The following IPCEF1 variants were observed in gnomAD, a reference collection of about 807,000 sequenced individuals.
IPCEF1 encodes interaction protein for cytohesin exchange factors 1.
Under a neutral mutation model 50.9 loss-of-function variants are expected in IPCEF1, and 31 were observed. The ratio of observed to expected loss-of-function variants is 0.61; its 90% CI spans 0.46 to 0.82. The LOEUF (loss-of-function observed/expected upper bound fraction) is 0.82, where lower values mean the gene tolerates loss of function less well. IPCEF1 is among the 40% of genes least tolerant of loss of function. The probability of loss-of-function intolerance (pLI) is 0.00; values close to 1 mark genes in which losing one functional copy is unlikely to be tolerated. For synonymous variants in IPCEF1, 181 were observed against 192.0 expected (o/e 0.94, Z 0.47); for missense variants, 458 against 514.0 (o/e 0.89, Z 1.05).
In IPCEF1 at chr6:154,279,934, A is replaced by AAATGTT. The variant is rs564585473; in HGVS notation, c.-18+9773_-18+9778dup. On this transcript the variant is annotated intron_variant, in intron 2 of 11. Coordinates refer to ENST00000367220, the MANE Select transcript of IPCEF1 (RefSeq NM_001130700.2). ...GAGACACCAATCATTAACAATCAGG[A>AAATGTT]AATGTTAATGTTAATGTTAATGTTA... Among the ~76,000 whole-genome samples the AAATGTT allele has an allele frequency of 2.1e-3, 322 of 152,280 alleles. 2 individuals are homozygous for AAATGTT. Among genetic ancestry groups the AAATGTT allele is most frequent in the African/African-American group, 7.2e-3 (299 of 41,560 alleles).
chr6:154,342,395 G>A (rs1783935731), intron 1 of IPCEF1, among the ~76,000 whole-genome samples: 3 of 152,096 alleles, frequency 2.0e-5, no homozygotes, highest in Admixed American at 1.3e-4. Context: ...ATTGACTAAA[G>A]TCTCACAAGA....
chr6:154,199,247 G>A (rs1269522454), intron 10 of IPCEF1, among the ~76,000 whole-genome samples: 2 of 152,218 alleles, frequency 1.3e-5, no homozygotes, highest in Admixed American at 1.3e-4. Flanking sequence ...ACTGTCTGGG[G>A]CACAGCCCAG....
At position 154,158,915 on chromosome 6, in the gene IPCEF1, T is replaced by C. The variant is rs1214904684; in HGVS notation, c.*913A>G. On this transcript the variant is annotated 3_prime_UTR_variant, in exon 12 of 12. Transcript: ENST00000367220. ...TTGCTTCCATGGGTTTTTGTTTTTTTGTTTTTTTGAGTAAAGATATTAAAA... is the reference window on the plus strand; with the variant it reads ...TTGCTTCCATGGGTTTTTGTTTTTTCGTTTTTTTGAGTAAAGATATTAAAA... 14 of 152,234 alleles carry C rather than the reference T, an allele frequency of 9.2e-5. No individual in the cohort carries two copies. The highest frequency in any genetic ancestry group is 8.5e-4 in the Admixed American group (13 of 15,282). The allele number at this position is 152,234 out of a possible 1,614,324, so 9.4% of individuals were successfully genotyped here.
intron 5 of IPCEF1, among the ~76,000 whole-genome samples, chr6:154,226,332 C>T (rs1039053004): frequency 2.6e-5 from 4 of 152,184 alleles, no homozygotes; most frequent in African/African-American, 9.7e-5. Flanking sequence ...AGCCTATTCC[C>T]ATGGGCCCCG....
chr6:154,264,090 C>G (rs1583921283), intron 3 of IPCEF1, among the ~76,000 whole-genome samples: 1 of 151,342 alleles, frequency 6.6e-6, no homozygotes, highest in African/African-American at 2.4e-5. Flanking sequence ...CATTGATTCT[C>G]TTATTTGTTC....
intron 3 of IPCEF1, among the ~76,000 whole-genome samples, chr6:154,257,340 C>T (rs1432141773): frequency 6.6e-6 from 1 of 152,180 alleles, no homozygotes; most frequent in African/African-American, 2.4e-5. Flanking sequence ...TTTTACACCC[C>T]TATCCCTTAA....
At chr6:154,204,783 T>C (rs986243951) in intron 9 of IPCEF1, among the ~76,000 whole-genome samples, 1 of 152,034 alleles carries the variant, frequency 6.6e-6, no homozygotes, top group African/African-American at 2.4e-5. Context: ...ACACAAAAAG[T>C]CCACAATATT....
chr6:154,265,350 G>A lies in IPCEF1; in HGVS notation c.36+562C>T, dbSNP rs897318812. The stretch of plus-strand genomic sequence containing the variant: ...GGCTGGAGTGCAGTGGCGCGATCTC[G>A]GCTCACTGCAACCTCCACTTCCCAG... On this transcript the variant is annotated intron_variant, in intron 3 of 11. Transcript: ENST00000367220. 5.3e-5 allele frequency among the ~76,000 whole-genome samples: 8 copies of A among 151,190 alleles called. No individual in the cohort carries two copies. In the East Asian group the frequency reaches 9.7e-4, roughly 18 times the overall value.
At chr6:154,194,128 G>C (rs576069347) in intron 10 of IPCEF1, among the ~76,000 whole-genome samples, 3 of 152,176 alleles carry the variant, frequency 2.0e-5, no homozygotes, top group African/African-American at 7.2e-5. Context: ...CTAAAATCAC[G>C]GTGGCTCATG....
At chr6:154,179,512 T>C (rs1800655060) in intron 10 of IPCEF1, among the ~76,000 whole-genome samples, 1 of 152,156 alleles carries the variant, frequency 6.6e-6, no homozygotes, top group South Asian at 2.1e-4. Context: ...CCCCCTTATC[T>C]TCTGAAGCAA....
rs1240640368 is a variant in IPCEF1 at position 154,154,909 on chromosome 6, C to T, written c.*4919G>A. 6.6e-6 allele frequency: 1 copy of T among 152,544 alleles called. No individual in the cohort carries two copies. The highest frequency in any genetic ancestry group is 1.9e-4 in the East Asian group (1 of 5,180). The allele number at this position is 152,544 out of a possible 1,614,324, so 9.4% of individuals were successfully genotyped here. A position where few individuals can be genotyped will look rare whatever the true frequency, so the allele number is the denominator to read the frequency against. On this transcript the variant is annotated 3_prime_UTR_variant, in exon 12 of 12. Transcript: ENST00000367220. ...ACCATGCAGTGCTAAAAGTCACATTCCCATCATGCAAGCACATTAAAATAT... is the reference window on the plus strand; with the variant it reads ...ACCATGCAGTGCTAAAAGTCACATTTCCATCATGCAAGCACATTAAAATAT...
At chr6:154,267,019 C>T (rs1453277679) in intron 2 of IPCEF1, among the ~76,000 whole-genome samples, 3 of 151,820 alleles carry the variant, frequency 2.0e-5, no homozygotes, top group Non-Finnish European at 4.4e-5. Context: ...ATGGAAACTC[C>T]TTTTTCATAT....
rs1231133534 is a variant in IPCEF1 at position 154,355,357 on chromosome 6, AG to A, written c.-62+1314del. Among the ~76,000 whole-genome samples the A allele has an allele frequency of 6.6e-5, 10 of 152,362 alleles. No homozygotes were observed. The East Asian group carries it at 1.7e-3, about 26-fold the overall frequency. On this transcript the variant is annotated intron_variant, in intron 1 of 11. Coordinates refer to ENST00000367220, the MANE Select transcript of IPCEF1 (RefSeq NM_001130700.2). ...CTTGATTTATAAAAAGAGGAATGGA[AG>A]GAAATTATAAGGTAAATTAAAGAAT... is the stretch of plus-strand genomic sequence containing the variant.
intron 10 of IPCEF1, among the ~76,000 whole-genome samples, chr6:154,186,408 C>T (rs1801347610): frequency 1.3e-5 from 2 of 152,236 alleles, no homozygotes; most frequent in African/African-American, 4.8e-5. Context: ...CAGCATCTGA[C>T]TGCTTTCCAT....
At chr6:154,270,657 A>T (rs548139813) in intron 2 of IPCEF1, among the ~76,000 whole-genome samples, 2 of 152,348 alleles carry the variant, frequency 1.3e-5, no homozygotes, top group East Asian at 3.9e-4. Flanking sequence ...GTCACCAAAA[A>T]TTTTTTAAAT....
intron 4 of IPCEF1, 198 bp downstream of exon 4, chr6:154,247,251 C>G (rs1410616325): frequency 1.8e-6 from 1 of 558,420 alleles, no homozygotes; most frequent in South Asian, 2.4e-5. Flanking sequence ...TGACATACCA[C>G]GAGGGATTAA....
chr6:154,258,161 A>T (rs572744046), intron 3 of IPCEF1, among the ~76,000 whole-genome samples: 3 of 152,324 alleles, frequency 2.0e-5, no homozygotes, highest in South Asian at 2.1e-4. Flanking sequence ...TGACATCAGA[A>T]GGTGGTTAGT....
At chr6:154,348,475 T>C (rs916997970) in intron 1 of IPCEF1, among the ~76,000 whole-genome samples, 3 of 152,206 alleles carry the variant, frequency 2.0e-5, no homozygotes, top group African/African-American at 7.2e-5. Context: ...TCAAAGGTGA[T>C]CTTGTCCATT....
intron 10 of IPCEF1, among the ~76,000 whole-genome samples, chr6:154,196,825 G>A (rs1776659907): frequency 6.6e-6 from 1 of 152,158 alleles, no homozygotes; most frequent in Admixed American, 6.6e-5. Context: ...GCAATAGGAG[G>A]CAATTAACAC....
Sources: allele counts gnomAD v4.1 joint callset (sites outside exome capture counted in the v4.1 genomes callset), GRCh38; gene constraint gnomAD v4.1.1; transcripts MANE v1.5; gene names NCBI Gene and HGNC (gene_info 2026-07-23, HGNC 2026-07-21).